Variants in EDARADD observed in about 807,000 individuals in gnomAD.
EDARADD encodes the protein EDAR associated via death domain.
A neutral mutation model predicts 25.6 loss-of-function variants in EDARADD; 20 were observed. That is an observed-to-expected ratio of 0.78 (90% CI 0.55 to 1.14). The LOEUF (loss-of-function observed/expected upper bound fraction) is 1.14. EDARADD is among the 50% of genes most tolerant of loss of function. EDARADD has a pLI of 0.00. For synonymous variants in EDARADD, 86 were observed against 94.4 expected (o/e 0.91, Z 0.52); for missense variants, 225 against 270.1 (o/e 0.83, Z 1.17).
At chr1:236,475,480 A>G (rs2103038884) in intron 5 of EDARADD, among the ~76,000 whole-genome samples, 1 of 152,246 alleles carries the variant, frequency 6.6e-6, no homozygotes, top group East Asian at 1.9e-4. Flanking sequence ...GAAAACACAC[A>G]CAGGGCGAGC....
intron 4 of EDARADD, among the ~76,000 whole-genome samples, chr1:236,432,189 C>T (rs149667877): frequency 1.8e-3 from 280 of 152,096 alleles, no homozygotes; most frequent in African/African-American, 6.5e-3. Context: ...ACCTGTAATC[C>T]CAGCACTTTG....
intron 4 of EDARADD, among the ~76,000 whole-genome samples, chr1:236,431,572 A>G (rs936597923): frequency 2.0e-5 from 3 of 152,224 alleles, no homozygotes; most frequent in Non-Finnish European, 2.9e-5. Context: ...TCTAAGACCA[A>G]TCTGAACTGG....
chr1:236,484,365 T>A lies in EDARADD; in HGVS notation c.*1716T>A. ...GCTCAAGACTGGTGCCCCTTGCTGATCTGAGCGCTTGGCCAAGTACAACCA... is the reference window on the plus strand; with the variant it reads ...GCTCAAGACTGGTGCCCCTTGCTGAACTGAGCGCTTGGCCAAGTACAACCA... On this transcript the variant is annotated 3_prime_UTR_variant, in exon 6 of 6. Transcript: ENST00000334232. The surrounding 1 kb of genome is among the most constrained non-coding windows in gnomAD (Gnocchi z 4.1). 4 of 1,557,622 alleles carry A rather than the reference T, an allele frequency of 2.6e-6. No individual in the cohort carries two copies. Among genetic ancestry groups the A allele is most frequent in the Non-Finnish European group, 3.5e-6 (4 of 1,129,322 alleles).
intron 3 of EDARADD, among the ~76,000 whole-genome samples, chr1:236,388,009 T>TTA (rs1667376399): frequency 3.8e-5 from 1 of 26,570 alleles, no homozygotes; most frequent in African/African-American, 1.1e-4. Flanking sequence ...AAAAATAAAT[T>TTA]AAAAAAAAAA....
chr1:236,388,454 C>G (rs1047515518), intron 3 of EDARADD, among the ~76,000 whole-genome samples: 1 of 152,176 alleles, frequency 6.6e-6, no homozygotes, highest in Non-Finnish European at 1.5e-5. Flanking sequence ...AGCATTGAAT[C>G]TGTAGATTAA....
At chr1:236,419,113 G>T (rs185828865) in intron 3 of EDARADD, among the ~76,000 whole-genome samples, 34 of 152,140 alleles carry the variant, frequency 2.2e-4, no homozygotes, top group African/African-American at 8.2e-4. Flanking sequence ...GAGAAAAGTC[G>T]CTGTTAAATT....
intron 4 of EDARADD, among the ~76,000 whole-genome samples, chr1:236,446,138 T>A (rs1355017403): frequency 6.6e-6 from 1 of 152,198 alleles, no homozygotes; most frequent in Non-Finnish European, 1.5e-5. Flanking sequence ...CCTACTGCCA[T>A]TTTTTAAACA....
chr1:236,478,359 A>ATGTGTG (rs35531700), intron 5 of EDARADD, among the ~76,000 whole-genome samples: 8,208 of 144,744 alleles, frequency 0.057, 264 homozygotes, highest in Non-Finnish European at 0.066. Flanking sequence ...CCATATATAT[A>ATGTGTG]TGTGTGTGTG....
rs1412957595 is a variant in EDARADD, at chr1:236,468,139, T to C, written c.220-92T>C. The C allele has an allele frequency of 3.8e-5, 48 of 1,263,388 alleles. 1 individual carries two copies. In the East Asian group the frequency reaches 1.1e-3, roughly 29 times the overall value. 78.3% of individuals were successfully genotyped at this position (1,263,388 alleles called of 1,614,324 possible). ...CCTCCACCCACCCCAGCCCCCAGGG[T>C]TTTGGTGGAAATTTAACTAAGTTGG... On this transcript the variant is annotated intron_variant, in intron 4 of 5. Coordinates refer to ENST00000334232, the MANE Select transcript of EDARADD (RefSeq NM_145861.4).
Position 236,484,065 on chromosome 1 carries a change from TG to T in EDARADD, c.*1420del. The T allele has an allele frequency of 6.3e-7, 1 of 1,576,632 alleles. No individual in the cohort carries two copies. Among genetic ancestry groups the T allele is most frequent in the Non-Finnish European group, 8.7e-7 (1 of 1,147,404 alleles). On this transcript the variant is annotated 3_prime_UTR_variant, in exon 6 of 6. Coordinates refer to ENST00000334232, the MANE Select transcript of EDARADD (RefSeq NM_145861.4). This position sits in a 1 kb window ranked among gnomAD's most constrained non-coding sequence, Gnocchi z 4.1. ...TGAAGATCCCTTTGACCAGGATGAC[TG>T]GGGAGCTTGGCAGAAGTTCACGGCC...
intron 4 of EDARADD, among the ~76,000 whole-genome samples, chr1:236,443,713 G>A (rs991263725): frequency 1.3e-5 from 2 of 152,172 alleles, no homozygotes; most frequent in East Asian, 1.9e-4. Context: ...TGCTGTGAAC[G>A]TTGTTGAAAA....
intron 1 of EDARADD, among the ~76,000 whole-genome samples, chr1:236,403,774 G>A (rs1281914919): frequency 6.6e-6 from 1 of 152,154 alleles, no homozygotes. Flanking sequence ...AGCCCGCCCT[G>A]CCTGCTCTCA....
intron 4 of EDARADD, among the ~76,000 whole-genome samples, chr1:236,442,129 CTTTT>C (rs74899359): frequency 2.1e-5 from 3 of 143,448 alleles, no homozygotes; most frequent in South Asian, 2.2e-4. Context: ...TTCTTTCTTT[CTTTT>C]TTTTTTTTTT....
At chr1:236,434,579 A>C (rs1449945965) in intron 4 of EDARADD, among the ~76,000 whole-genome samples, 1 of 151,982 alleles carries the variant, frequency 6.6e-6, no homozygotes, top group Non-Finnish European at 1.5e-5. Context: ...TATCATCAGC[A>C]TTAGTATATT....
At chr1:236,361,635 T>TATATATATATATATATATA in intron 3 of EDARADD, among the ~76,000 whole-genome samples, 1 of 134,208 alleles carries the variant, frequency 7.5e-6, no homozygotes, top group Admixed American at 7.4e-5. Flanking sequence ...CAGCCAAATT[T>TATATATATATATATATATA]TATATATATA....
In EDARADD at chr1:236,480,613, A is replaced by G. The variant is rs192049769; in HGVS notation, c.266-1654A>G. Among the ~76,000 whole-genome samples, 45 of 152,258 alleles carry G rather than the reference A, an allele frequency of 3.0e-4. No homozygotes were observed. In the East Asian group the frequency reaches 8.5e-3, roughly 29 times the overall value. ...TGACTCAATGTTATATATATAGTAA[A>G]GGCTACTATAACCTTCCCCAGAATT... is the stretch of plus-strand genomic sequence containing the variant. On this transcript the variant is annotated intron_variant, in intron 5 of 5. Coordinates refer to ENST00000334232, the MANE Select transcript of EDARADD (RefSeq NM_145861.4).
At chr1:236,446,137 A>G (rs565091714) in intron 4 of EDARADD, among the ~76,000 whole-genome samples, 2 of 152,260 alleles carry the variant, frequency 1.3e-5, no homozygotes, top group African/African-American at 2.4e-5. Context: ...TCCTACTGCC[A>G]TTTTTTAAAC....
chr1:236,411,584 C>G lies in EDARADD; in HGVS notation c.120+2310C>G, dbSNP rs545349346. On this transcript the variant is annotated intron_variant, in intron 2 of 5. Coordinates refer to ENST00000334232, the MANE Select transcript of EDARADD (RefSeq NM_145861.4). ...TGAGATGGGGTTTCACTCTTGTCGC[C>G]CAGCTGGAGTGCAATATGCAATGGC... Among the ~76,000 whole-genome samples the G allele has an allele frequency of 3.4e-5, 5 of 146,202 alleles. No individual in the cohort carries two copies. The East Asian group carries it at 1.0e-3, about 29-fold the overall frequency.
chr1:236,440,448 A>G (rs1658368643), intron 4 of EDARADD, among the ~76,000 whole-genome samples: 1 of 152,182 alleles, frequency 6.6e-6, no homozygotes, highest in Non-Finnish European at 1.5e-5. Context: ...TAATCTATAG[A>G]TCAATTTGGA....
Sources: gnomAD v4.1 joint callset for allele counts (sites outside exome capture counted in the v4.1 genomes callset) on GRCh38, gnomAD v4.1.1 for gene constraint, Gnocchi (gnomAD v3.1) non-coding constraint, MANE v1.5 for transcripts, NCBI Gene and HGNC (gene_info 2026-07-23, HGNC 2026-07-21) for gene names.